Variants in DST observed in about 807,000 individuals in gnomAD.
DST encodes dystonin.
In DST, 253 loss-of-function variants were observed where a neutral mutation model predicts 875.2. The ratio of observed to expected loss-of-function variants is 0.29; its 90% CI spans 0.26 to 0.32. The LOEUF (loss-of-function observed/expected upper bound fraction) is 0.32. Among genes scored for constraint, DST ranks in the 10% least tolerant of loss-of-function variants. The probability of loss-of-function intolerance (pLI) is 1.00; values close to 1 mark genes in which losing one functional copy is unlikely to be tolerated. For synonymous variants in DST, 3,124 were observed against 3,197.1 expected, an observed-to-expected ratio of 0.98 and a Z score of 0.77; for missense variants, 8,287 against 9,111.6, an observed-to-expected ratio of 0.91 and a Z score of 3.68.
intron 35 of DST, 128 bp from the exon 36 acceptor site, chr6:56,624,756 AATG>A (rs1459666185): frequency 8.7e-6 from 6 of 692,212 alleles, no homozygotes; most frequent in Non-Finnish European, 1.5e-5. Context: ...CCCCATAATA[AATG>A]ATAAGAATGA....
chr6:56,748,547 C>T (rs528473122), intron 4 of DST, among the ~76,000 whole-genome samples: 20 of 152,316 alleles, frequency 1.3e-4, no homozygotes, highest in African/African-American at 4.8e-4. Context: ...TCAAGAAATA[C>T]ACTGGCTTCC....
intron 55 of DST, among the ~76,000 whole-genome samples, chr6:56,565,861 C>G (rs940041408): frequency 6.6e-6 from 1 of 152,212 alleles, no homozygotes; most frequent in Admixed American, 6.5e-5. Flanking sequence ...AAGACCCTGA[C>G]TGGTGCTGCT....
intron 10 of DST, among the ~76,000 whole-genome samples, chr6:56,651,971 T>C (rs771604749): frequency 3.3e-5 from 5 of 152,230 alleles, no homozygotes; most frequent in Non-Finnish European, 5.9e-5. Flanking sequence ...AAGAATGATA[T>C]ATAGTACACC....
rs41271872 is a variant in DST at position 56,624,678 on chromosome 6, C to G, written c.4831-50G>C. 0.034 allele frequency: 42,108 copies of G among 1,241,642 alleles called. 1,001 individuals are homozygous for G. The highest frequency in any genetic ancestry group is 0.043 in the Non-Finnish European group (36,725 of 847,304). 76.9% of individuals were successfully genotyped at this position (1,241,642 alleles called of 1,614,324 possible). ...AAAGCATTACCTCCAGTTACTCTTA[C>G]TAAGTTGAATGAATTTTGAATAATA... On this transcript the variant is annotated intron_variant, in intron 35 of 103. Transcript: ENST00000680361.
intron 10 of DST, among the ~76,000 whole-genome samples, chr6:56,658,482 C>A (rs945982581): frequency 6.6e-6 from 1 of 152,116 alleles, no homozygotes; most frequent in African/African-American, 2.4e-5. Context: ...CTGGTTATAG[C>A]ATAAGGTTCA....
chr6:56,761,205 C>T (rs1360168028), intron 4 of DST, among the ~76,000 whole-genome samples: 1 of 152,216 alleles, frequency 6.6e-6, no homozygotes, highest in African/African-American at 2.4e-5. Flanking sequence ...CTTCCAGCCC[C>T]AGTCAAGCCT....
At chr6:56,635,333 A>T (rs2152766824) in intron 24 of DST, among the ~76,000 whole-genome samples, 1 of 152,246 alleles carries the variant, frequency 6.6e-6, no homozygotes, top group South Asian at 2.1e-4. Context: ...TATTTGCAAA[A>T]TGAATAACTA....
chr6:56,560,286 C>T lies in DST; in HGVS notation c.14440+8G>A, dbSNP rs2152565479. 1 of 1,599,484 alleles carries T rather than the reference C, an allele frequency of 6.3e-7. No homozygotes were observed. The highest frequency in any genetic ancestry group is 8.5e-7 in the Non-Finnish European group (1 of 1,172,660). ...TTCATAGGCATTCATCTAAGTAACG[C>T]AACATACCTATTTCTGTCAACATCT... On this transcript the variant is annotated splice_region_variant and intron_variant, in intron 58 of 103. Transcript: ENST00000680361.
chr6:56,784,457 T>A (rs1425929496), intron 4 of DST, among the ~76,000 whole-genome samples: 2 of 152,200 alleles, frequency 1.3e-5, no homozygotes, highest in Non-Finnish European at 2.9e-5. Context: ...CTTCCCTTCT[T>A]GCTTCATTTC....
At chr6:56,733,785 C>A (rs748674216) in intron 5 of DST, among the ~76,000 whole-genome samples, 17 of 151,842 alleles carry the variant, frequency 1.1e-4, no homozygotes, top group Non-Finnish European at 1.6e-4. Flanking sequence ...TAAAGAAAGG[C>A]CTGTCTGGAG....
chr6:56,606,977 C>T lies in DST; in HGVS notation c.7651G>A (p.Glu2551Lys). The T allele has an allele frequency of 6.2e-6, 10 of 1,613,484 alleles. No homozygotes were observed. Among genetic ancestry groups the T allele is most frequent in the Non-Finnish European group, 8.5e-6 (10 of 1,179,600 alleles). The change falls in exon 40 of 104, where the codon GAG (glutamate) becomes AAG (lysine). Residue 2551 changes from glutamate (E) to lysine (K), a missense_variant. By Grantham distance (56) the Glu-to-Lys change is moderately conservative. This residue lies in a region of DST where 3,138 missense variants were observed against 3,116.6 expected (regional missense o/e 1.01). Coordinates refer to ENST00000680361, the MANE Select transcript of DST (RefSeq NM_001374736.1). The stretch of plus-strand genomic sequence containing the variant: ...CAGGAATACTCTTCTATTTCAGACT[C>T]ATCTTCCTTGTCTTCAGGCATCTGC... ...FQQMPEDKED[E>K]SEIEEYSCAV...
chr6:56,656,847 T>C (rs191012986), intron 10 of DST, among the ~76,000 whole-genome samples: 43 of 152,174 alleles, frequency 2.8e-4, no homozygotes, highest in Admixed American at 1.2e-3. Context: ...AGAAACACAA[T>C]AATGTATATG....
intron 10 of DST, among the ~76,000 whole-genome samples, chr6:56,658,131 C>T (rs951760235): frequency 2.0e-5 from 3 of 152,104 alleles, no homozygotes; most frequent in East Asian, 3.9e-4. Flanking sequence ...GGCGCAATCT[C>T]GGCTCACTGC....
Position 56,627,215 on chromosome 6 carries a change from C to T in DST, c.4711G>A (p.Ala1571Thr), listed in dbSNP as rs1203315429. Reference sequence around the variant, plus strand: ...ATGAATCTTCCTACCTTCACTGTAGCTGAGTACTGTTCTGCATATTTTTGA... The same window carrying T: ...ATGAATCTTCCTACCTTCACTGTAGTTGAGTACTGTTCTGCATATTTTTGA... ...ECQKYAEQYSATVKDYELQTM... is the reference protein window; with the variant it reads ...ECQKYAEQYSTTVKDYELQTM... Residue 1571 changes from alanine (A) to threonine (T), a missense_variant, in exon 34 of 104, where the codon GCT (alanine) becomes ACT (threonine). Physicochemically the swap from Ala to Thr is moderately conservative, Grantham distance 58. Coordinates refer to ENST00000680361, the MANE Select transcript of DST (RefSeq NM_001374736.1). 3 of 1,610,800 alleles carry T rather than the reference C, an allele frequency of 1.9e-6. No individual in the cohort carries two copies. The highest frequency in any genetic ancestry group is 2.5e-6 in the Non-Finnish European group (3 of 1,177,722).
intron 5 of DST, among the ~76,000 whole-genome samples, chr6:56,726,373 T>C (rs537063775): frequency 1.3e-5 from 2 of 152,346 alleles, no homozygotes; most frequent in South Asian, 4.1e-4. Context: ...GGTTTTCTAT[T>C]TGATTCTATG....
At chr6:56,615,165 T>C in intron 36 of DST, 1 of 1,090,788 alleles carries the variant, frequency 9.2e-7, no homozygotes, top group Non-Finnish European at 1.1e-6. Context: ...AATTTATCAT[T>C]TAATAAATGA....
intron 2 of DST, among the ~76,000 whole-genome samples, chr6:56,926,715 G>A (rs186186789): frequency 3.3e-5 from 5 of 152,202 alleles, no homozygotes; most frequent in Non-Finnish European, 5.9e-5. Context: ...TTTTTATTAA[G>A]AGGAAGACTG....
In DST at chr6:56,561,380, A is replaced by G. The variant is rs749102581; in HGVS notation, c.14238T>C (p.Thr4746=). ...MMQWLQKMNK[T]ATKWQQTPAP... is the part of the protein sequence containing the mutation. ...CAGGTGTCTGCTGCCATTTTGTTGC[A>G]GTTTTGTTCATTTTCTGTAACCACT... The change falls in exon 57 of 104, where the codon ACT becomes ACC. Residue 4746 remains threonine (T), a synonymous_variant. Coordinates refer to ENST00000680361, the MANE Select transcript of DST (RefSeq NM_001374736.1). 1 of 1,613,696 alleles carries G rather than the reference A, an allele frequency of 6.2e-7. No homozygotes were observed.
rs774759425 is a variant in DST, at chr6:56,620,152, C to T, written c.4929+4378G>A. The T allele has an allele frequency of 1.2e-6, 2 of 1,613,358 alleles. No individual in the cohort carries two copies. Among genetic ancestry groups the T allele is most frequent in the African/African-American group, 2.7e-5 (2 of 74,900 alleles). ...GTTTCTGAAATGCAAGGTCTTTTTC[C>T]ATCTGCTTTATCAGCTTCAAGAGTT... On this transcript the variant is annotated intron_variant, in intron 36 of 103. Transcript: ENST00000680361.
Sources: allele counts gnomAD v4.1 joint callset (sites outside exome capture counted in the v4.1 genomes callset), GRCh38; gene constraint gnomAD v4.1.1; regional missense constraint gnomAD v4.1.1; transcripts MANE v1.5; gene names NCBI Gene and HGNC (gene_info 2026-07-23, HGNC 2026-07-21).